Variants in NLRP3 observed in about 807,000 individuals in gnomAD.
NLRP3 encodes the protein NLR family pyrin domain containing 3, also known as NACHT, LRR and PYD domains-containing protein 3.
Under a neutral mutation model 91.3 loss-of-function variants are expected in NLRP3, and 48 were observed. That is an observed-to-expected ratio of 0.53 (90% CI 0.42 to 0.67). The LOEUF (loss-of-function observed/expected upper bound fraction) is 0.67, where lower values mean the gene tolerates loss of function less well. Among genes scored for constraint, NLRP3 ranks in the 30% least tolerant of loss-of-function variants. The pLI, the probability that NLRP3 is intolerant of heterozygous loss-of-function variation, is 0.00. For synonymous variants in NLRP3, 561 were observed against 507.9 expected (o/e 1.10, Z -1.41); for missense variants, 982 against 1,276.9 (o/e 0.77, Z 3.52).
chr1:247,441,316 G>A (rs781529877), intron 7 of NLRP3, among the ~76,000 whole-genome samples: 39 of 150,640 alleles, frequency 2.6e-4, no homozygotes, highest in Non-Finnish European at 4.9e-4. Flanking sequence ...ATAGCTCACT[G>A]TAGCCTTGAA....
At position 247,448,650 on chromosome 1, in the gene NLRP3, G is replaced by T. The variant is rs200993953; in HGVS notation, c.*146G>T. ...GTGTCGGAGAAGAGAGCTTGCCGAC[G>T]ATGCCTTCCTGTGCAGAGCTTGGGC... On this transcript the variant is annotated 3_prime_UTR_variant, in exon 10 of 10. Transcript: ENST00000336119. The T allele has an allele frequency of 4.6e-5, 32 of 700,732 alleles. No individual in the cohort carries two copies. In the African/African-American group the frequency reaches 5.1e-4, roughly 11 times the overall value. The allele number at this position is 700,732 out of a possible 1,614,324, so 43.4% of individuals were successfully genotyped here. A position where few individuals can be genotyped will look rare whatever the true frequency, so the allele number is the denominator to read the frequency against.
chr1:247,432,062 T>G (rs1471886406), intron 5 of NLRP3, among the ~76,000 whole-genome samples: 1 of 152,206 alleles, frequency 6.6e-6, no homozygotes, highest in East Asian at 1.9e-4. Flanking sequence ...TTTTTGTATT[T>G]TTAGTAGGGA....
intron 9 of NLRP3, among the ~76,000 whole-genome samples, chr1:247,445,607 A>C (rs1390480998): frequency 6.6e-6 from 1 of 152,162 alleles, no homozygotes; most frequent in Non-Finnish European, 1.5e-5. Flanking sequence ...CCTCTGTGAT[A>C]CTACTGAGGT....
In NLRP3 at chr1:247,443,994, T is replaced by C. The variant is rs151205016; in HGVS notation, c.2686T>C (p.Ser896Pro). Residue 896 changes from serine to proline, a missense_variant, in exon 8 of 10, where the codon TCA becomes CCA. By Grantham distance (74) the Ser-to-Pro change is moderately conservative. Transcript: ENST00000336119. ...CAGGTTGGTGAATTCTGGCCTTACG[T>C]CAGTCTGTTGTTCAGCTTTGTCCTC... ...KLGLVNSGLTSVCCSALSSVL... is the reference protein window; with the variant it reads ...KLGLVNSGLTPVCCSALSSVL... 63 of 1,614,146 alleles carry C rather than the reference T, an allele frequency of 3.9e-5. No homozygotes were observed. In the African/African-American group the frequency reaches 5.2e-4, roughly 13 times the overall value.
chr1:247,422,646 A>C (rs747918347), intron 2 of NLRP3, among the ~76,000 whole-genome samples: 1 of 152,200 alleles, frequency 6.6e-6, no homozygotes, highest in African/African-American at 2.4e-5. Context: ...CTGGGCGTGC[A>C]GTCCTGAAGT....
chr1:247,440,141 T>C (rs1664106175), intron 7 of NLRP3, among the ~76,000 whole-genome samples: 1 of 152,156 alleles, frequency 6.6e-6, no homozygotes, highest in Admixed American at 6.5e-5. Flanking sequence ...GTGTTAGGTA[T>C]AGCTACATTT....
rs564432292 is a variant in NLRP3, at chr1:247,445,575, G to A, written c.3005+754G>A. Among the ~76,000 whole-genome samples, 18 of 152,286 alleles carry A rather than the reference G, an allele frequency of 1.2e-4. No individual in the cohort carries two copies. In the South Asian group the frequency reaches 3.7e-3, roughly 32 times the overall value. On this transcript the variant is annotated intron_variant, in intron 9 of 9. Transcript: ENST00000336119. ...GGGAAATTACACGAAATTCGACAGT[G>A]TGTCAGGATATTGCCAGCCCACCTC...
rs569881917 is a variant in NLRP3, at chr1:247,442,445, C to T, written c.2664-1527C>T. ...CCAGTGATTTTAGAGCTCTTATGCT[C>T]TTCCTGGGTGATAGAATGGGCTTAA... On this transcript the variant is annotated intron_variant, in intron 7 of 9. Coordinates refer to ENST00000336119, the MANE Select transcript of NLRP3 (RefSeq NM_001243133.2). Among the ~76,000 whole-genome samples the T allele has an allele frequency of 2.1e-3, 320 of 152,268 alleles. 4 individuals are homozygous for T. Among genetic ancestry groups the T allele is most frequent in the African/African-American group, 7.2e-3 (299 of 41,552 alleles).
intron 5 of NLRP3, among the ~76,000 whole-genome samples, chr1:247,433,522 A>G (rs68078384): frequency 6.6e-6 from 1 of 151,978 alleles, no homozygotes; most frequent in East Asian, 1.9e-4. Context: ...CTGACAGGTG[A>G]TCCCTCTGCT....
intron 6 of NLRP3, among the ~76,000 whole-genome samples, chr1:247,435,481 C>T (rs1220052023): frequency 6.6e-6 from 1 of 152,158 alleles, no homozygotes; most frequent in African/African-American, 2.4e-5. Flanking sequence ...AGGGCAAATA[C>T]TCTGATTGTC....
chr1:247,440,373 C>T (rs1405858499), intron 7 of NLRP3, among the ~76,000 whole-genome samples: 2 of 152,142 alleles, frequency 1.3e-5, no homozygotes, highest in African/African-American at 4.8e-5. Context: ...GGGGGACGGT[C>T]CTAAATGCTC....
chr1:247,440,733 G>A (rs971791090), intron 7 of NLRP3, among the ~76,000 whole-genome samples: 7 of 151,608 alleles, frequency 4.6e-5, no homozygotes, highest in African/African-American at 7.3e-5. Context: ...CGTCTCAGCC[G>A]CCCAAGTAGC....
At chr1:247,429,472 T>A in intron 4 of NLRP3, 113 bp from the exon 5 acceptor site, 1 of 1,223,274 alleles carries the variant, frequency 8.2e-7, no homozygotes, top group Non-Finnish European at 1.2e-6. Flanking sequence ...ACCCATTTCT[T>A]AATCCCCGGA....
chr1:247,428,368 G>A (rs1663058760), intron 4 of NLRP3, among the ~76,000 whole-genome samples: 2 of 152,258 alleles, frequency 1.3e-5, no homozygotes. Flanking sequence ...TCCCTTCTGA[G>A]AACCAGAAGC....
At position 247,425,590 on chromosome 1, in the gene NLRP3, G is replaced by C. The variant is rs1248885910; in HGVS notation, c.2141G>C (p.Cys714Ser). The change falls in exon 4 of 10, where the codon TGT becomes TCT. Residue 714 changes from cysteine (C) to serine (S), a missense_variant. This residue lies in a region of NLRP3 where 373 missense variants were observed against 431.5 expected (regional missense o/e 0.86). Coordinates refer to ENST00000336119, the MANE Select transcript of NLRP3 (RefSeq NM_001243133.2). This position sits in a 1 kb window ranked among gnomAD's most constrained non-coding sequence, Gnocchi z 4.1. The part of the protein sequence containing the change: ...CVLPSSSHAA[C>S]SHGLVNSHLT... Reference sequence around the variant, plus strand: ...CTCCCAAGCTCCTCTCATGCTGCCTGTTCTCATGGGTAAGGAAACTCGGCT... The same window carrying C: ...CTCCCAAGCTCCTCTCATGCTGCCTCTTCTCATGGGTAAGGAAACTCGGCT... 1.9e-6 allele frequency: 3 copies of C among 1,605,562 alleles called. No homozygotes were observed. The Admixed American group carries it at 5.0e-5, about 27-fold the overall frequency.
At chr1:247,444,192 T>C in intron 8 of NLRP3, 50 bp downstream of exon 8, 1 of 1,590,078 alleles carries the variant, frequency 6.3e-7, no homozygotes, top group South Asian at 1.1e-5. Flanking sequence ...TGGCCAAGGG[T>C]GGAGGGACGT....
intron 1 of NLRP3, among the ~76,000 whole-genome samples, chr1:247,417,534 T>G (rs1205444175): frequency 2.0e-5 from 3 of 152,156 alleles, no homozygotes; most frequent in Admixed American, 1.3e-4. Context: ...CAGGCTGGAG[T>G]GCAGTGGTGT....
In NLRP3 at chr1:247,444,657, C is replaced by A. The variant is rs1459653470; in HGVS notation, c.2841C>A (p.Asp947Glu). 10 of 1,613,866 alleles carry A rather than the reference C, an allele frequency of 6.2e-6. No individual in the cohort carries two copies. The highest frequency in any genetic ancestry group is 6.8e-6 in the Non-Finnish European group (8 of 1,179,984). The change falls in exon 9 of 10, where the codon GAC becomes GAA. Residue 947 changes from aspartate to glutamate, a missense_variant. Around this residue, in one of 5 missense-constraint regions of NLRP3, gnomAD observed 373 missense variants for 431.5 expected, o/e 0.86. Transcript: ENST00000336119. Reference sequence around the variant, plus strand: ...AATCACCCCCTTTTTGCAGATTAGACAACTGCAACCTCACGTCACACTGCT... The same window carrying A: ...AATCACCCCCTTTTTGCAGATTAGAAAACTGCAACCTCACGTCACACTGCT... Reference protein sequence around the residue: ...PDCKLQVLELDNCNLTSHCCW... With the variant: ...PDCKLQVLELENCNLTSHCCW...
At chr1:247,442,974 T>C (rs56188865) in intron 7 of NLRP3, among the ~76,000 whole-genome samples, 64,463 of 151,880 alleles carry the variant, frequency 0.42, 14,085 homozygotes, top group Middle Eastern at 0.53. Context: ...GTTGCCCAGG[T>C]TGAAGTGCAG....
Sources: gnomAD v4.1 joint callset for allele counts (sites outside exome capture counted in the v4.1 genomes callset) on GRCh38, gnomAD v4.1.1 for gene constraint, gnomAD v4.1.1 regional missense constraint, Gnocchi (gnomAD v3.1) non-coding constraint, MANE v1.5 for transcripts, NCBI Gene and HGNC (gene_info 2026-07-23, HGNC 2026-07-21) for gene names.